CACNA1D: variants seen among roughly 807,000 people sequenced by gnomAD.
CACNA1D encodes calcium voltage-gated channel subunit alpha1 D.
In CACNA1D, 55 loss-of-function variants were observed where a neutral mutation model predicts 257.1. The ratio of observed to expected loss-of-function variants is 0.21; its 90% CI spans 0.17 to 0.27. CACNA1D has a LOEUF of 0.27. Ranked by LOEUF, CACNA1D falls within the 10% of genes least tolerant of loss-of-function variation. The probability of loss-of-function intolerance (pLI) is 1.00; values close to 1 mark genes in which losing one functional copy is unlikely to be tolerated. For synonymous variants in CACNA1D, 980 were observed against 1,014.9 expected (o/e 0.97, Z 0.65); for missense variants, 1,876 against 2,784.0 (o/e 0.67, Z 7.34).
intron 3 of CACNA1D, among the ~76,000 whole-genome samples, chr3:53,532,064 G>A (rs567696305): frequency 8.4e-4 from 128 of 152,294 alleles, no homozygotes; most frequent in African/African-American, 2.9e-3. Context: ...AATGTTTATA[G>A]CCAAGGGGAG....
chr3:53,706,328 G>C (rs2094688859), intron 9 of CACNA1D, among the ~76,000 whole-genome samples: 1 of 152,242 alleles, frequency 6.6e-6, no homozygotes, highest in African/African-American at 2.4e-5. Context: ...AATAACAGCA[G>C]ATGTCTGTGA....
chr3:53,649,874 C>G (rs1175686450), intron 3 of CACNA1D, among the ~76,000 whole-genome samples: 1 of 152,182 alleles, frequency 6.6e-6, no homozygotes, highest in African/African-American at 2.4e-5. Flanking sequence ...TCTATTGAAA[C>G]TGAAGCTGTA....
intron 3 of CACNA1D, among the ~76,000 whole-genome samples, chr3:53,572,642 C>T (rs1213569221): frequency 2.0e-5 from 3 of 152,132 alleles, no homozygotes; most frequent in Non-Finnish European, 4.4e-5. Flanking sequence ...TGAAGTGATC[C>T]ACCCGCATTG....
intron 30 of CACNA1D, among the ~76,000 whole-genome samples, chr3:53,763,769 A>C (rs556078582): frequency 6.6e-6 from 1 of 152,316 alleles, no homozygotes; most frequent in African/African-American, 2.4e-5. Flanking sequence ...ATAGTAAGAC[A>C]GCCACCAGCC....
chr3:53,744,367 C>A (rs1053844427), intron 22 of CACNA1D, among the ~76,000 whole-genome samples: 2 of 152,302 alleles, frequency 1.3e-5, no homozygotes, highest in South Asian at 4.1e-4. Flanking sequence ...AGCCCTGGTA[C>A]CAAAGTGCTA....
intron 9 of CACNA1D, among the ~76,000 whole-genome samples, chr3:53,703,407 C>G (rs1339379741): frequency 6.6e-6 from 1 of 152,174 alleles, no homozygotes; most frequent in Non-Finnish European, 1.5e-5. Flanking sequence ...ACTAAGCACC[C>G]TAGAGCACCT....
At chr3:53,714,006 T>C (rs11708227) in intron 9 of CACNA1D, among the ~76,000 whole-genome samples, 33,121 of 152,128 alleles carry the variant, frequency 0.22, 3,958 homozygotes, top group African/African-American at 0.27. Context: ...CTTGAGCTTC[T>C]CCAGATTTTC....
intron 30 of CACNA1D, among the ~76,000 whole-genome samples, chr3:53,769,315 C>G (rs1286129498): frequency 6.6e-6 from 1 of 152,208 alleles, no homozygotes; most frequent in Admixed American, 6.5e-5. Context: ...CTGTTTCTTC[C>G]AAAGACTCAT....
At chr3:53,810,587 G>A (rs932789183) in intron 47 of CACNA1D, 21 of 441,064 alleles carry the variant, frequency 4.8e-5, no homozygotes, top group South Asian at 1.4e-4. Context: ...GTGAAACCCC[G>A]TCTCTACTAA....
chr3:53,597,561 A>G (rs2093385843), intron 3 of CACNA1D, among the ~76,000 whole-genome samples: 1 of 152,186 alleles, frequency 6.6e-6, no homozygotes, highest in Non-Finnish European at 1.5e-5. Context: ...CCCCACTGCC[A>G]GCTGTTGTTA....
chr3:53,495,337 A>T lies in CACNA1D; in HGVS notation c.67+104A>T. On this transcript the variant is annotated intron_variant, in intron 1 of 47. Coordinates refer to ENST00000350061, the MANE Select transcript of CACNA1D (RefSeq NM_001128840.3). This position sits in a 1 kb window ranked among gnomAD's most constrained non-coding sequence, Gnocchi z 5.1. ...GCGCTGGATGGGTTGAGGGGGTTGG[A>T]GAGGGTGCTGCCAGCTCGGTGTCGT... 1 of 1,394,382 alleles carries T rather than the reference A, an allele frequency of 7.2e-7. No homozygotes were observed. The highest frequency in any genetic ancestry group is 1.0e-6 in the Non-Finnish European group (1 of 983,912). The allele number at this position is 1,394,382 out of a possible 1,614,324, so 86.4% of individuals were successfully genotyped here.
intron 3 of CACNA1D, among the ~76,000 whole-genome samples, chr3:53,565,500 G>A (rs994387927): frequency 3.3e-5 from 5 of 152,198 alleles, no homozygotes; most frequent in African/African-American, 2.4e-5. Context: ...CACACATGAT[G>A]TAGTGGCTTG....
intron 4 of CACNA1D, among the ~76,000 whole-genome samples, chr3:53,658,826 G>C (rs1374418268): frequency 1.3e-5 from 2 of 152,212 alleles, no homozygotes; most frequent in African/African-American, 4.8e-5. Flanking sequence ...GCTTTGTAAA[G>C]GTAGAGACCG....
chr3:53,551,001 CTGTT>C (rs952980470), intron 3 of CACNA1D, among the ~76,000 whole-genome samples: 4 of 152,100 alleles, frequency 2.6e-5, no homozygotes, highest in African/African-American at 9.7e-5. Flanking sequence ...TAAGGCCTAA[CTGTT>C]TGCCAAATTT....
intron 3 of CACNA1D, among the ~76,000 whole-genome samples, chr3:53,531,795 A>G (rs1376432746): frequency 1.3e-5 from 2 of 152,250 alleles, no homozygotes; most frequent in African/African-American, 4.8e-5. Context: ...AGACATGCCC[A>G]TGACAAGATT....
intron 20 of CACNA1D, among the ~76,000 whole-genome samples, chr3:53,738,054 A>G (rs1432538885): frequency 6.6e-6 from 1 of 152,212 alleles, no homozygotes; most frequent in Non-Finnish European, 1.5e-5. Context: ...CCTAGATATT[A>G]TCGTGCAGTT....
At chr3:53,798,781 G>A (rs1430805729) in intron 40 of CACNA1D, among the ~76,000 whole-genome samples, 2 of 152,138 alleles carry the variant, frequency 1.3e-5, no homozygotes, top group East Asian at 3.9e-4. Context: ...GCAACTGCAG[G>A]AGACCAGTTT....
chr3:53,792,651 G>A (rs1043984091), intron 40 of CACNA1D, among the ~76,000 whole-genome samples: 4 of 152,160 alleles, frequency 2.6e-5, no homozygotes, highest in South Asian at 4.1e-4. Context: ...GAGTCCCAAA[G>A]GCTAGGCAGA....
At chr3:53,628,771 A>G (rs935555348) in intron 3 of CACNA1D, among the ~76,000 whole-genome samples, 4 of 152,260 alleles carry the variant, frequency 2.6e-5, no homozygotes, top group African/African-American at 9.6e-5. Flanking sequence ...AAGTCTTGAC[A>G]GGAAGCAGTG....
Sources: allele counts gnomAD v4.1 joint callset (sites outside exome capture counted in the v4.1 genomes callset), GRCh38; gene constraint gnomAD v4.1.1; non-coding constraint Gnocchi (gnomAD v3.1); transcripts MANE v1.5; gene names NCBI Gene and HGNC (gene_info 2026-07-23, HGNC 2026-07-21).